Variants in KNDC1 observed in about 807,000 individuals in gnomAD.
The protein encoded by KNDC1 is kinase non-catalytic C-lobe domain containing 1.
A neutral mutation model predicts 172.8 loss-of-function variants in KNDC1; 106 were observed. The ratio of observed to expected loss-of-function variants is 0.61; its 90% CI spans 0.52 to 0.72. The LOEUF (loss-of-function observed/expected upper bound fraction) is 0.72. Among genes scored for constraint, KNDC1 ranks in the 30% least tolerant of loss-of-function variants. The pLI is 0.00. For missense variants in KNDC1, 2,325 were observed against 2,394.5 expected (o/e 0.97, Z 0.61); for synonymous variants, 1,083 against 1,062.2 (o/e 1.02, Z -0.38).
chr10:133,188,726 C>G lies in KNDC1; in HGVS notation c.1441+73C>G. 4 of 613,710 alleles carry G rather than the reference C, an allele frequency of 6.5e-6. No homozygotes were observed. In the East Asian group the frequency reaches 1.4e-4, roughly 21 times the overall value. 38.0% of individuals were successfully genotyped at this position (613,710 alleles called of 1,614,324 possible). ...GCTGTTCCACCCCCCACCGCCGTCC[C>G]ACACCCCCGCCGTCCCACCCCCCAC... On this transcript the variant is annotated intron_variant, in intron 7 of 29. Coordinates refer to ENST00000304613, the MANE Select transcript of KNDC1 (RefSeq NM_152643.8).
intron 3 of KNDC1, among the ~76,000 whole-genome samples, chr10:133,173,490 A>G (rs1395900453): frequency 1.9e-5 from 1 of 53,630 alleles, no homozygotes; most frequent in East Asian, 3.7e-4. Context: ...ATTTCCTTCT[A>G]ATTTTTTTTT....
At chr10:133,187,836 A>G (rs2135981362) in intron 6 of KNDC1, among the ~76,000 whole-genome samples, 1 of 152,106 alleles carries the variant, frequency 6.6e-6, no homozygotes, top group South Asian at 2.1e-4. Context: ...GGGTGTGTTC[A>G]CGCTGTTGCA....
Position 133,224,962 on chromosome 10 carries a change from G to C in KNDC1, c.*72G>C. 2 of 1,244,566 alleles carry C rather than the reference G, an allele frequency of 1.6e-6. No homozygotes were observed. The highest frequency in any genetic ancestry group is 2.3e-6 in the Non-Finnish European group (2 of 865,362). 77.1% of individuals were successfully genotyped at this position (1,244,566 alleles called of 1,614,324 possible). On this transcript the variant is annotated 3_prime_UTR_variant, in exon 30 of 30. Coordinates refer to ENST00000304613, the MANE Select transcript of KNDC1 (RefSeq NM_152643.8). This position sits in a 1 kb window ranked among gnomAD's most constrained non-coding sequence, Gnocchi z 5.4. Reference sequence around the variant, plus strand: ...GGGGGCGGGCTGGGAGGTGGGAGCCGCGTCTCAGGCCCGGCCGTTATCAAG... The same window carrying C: ...GGGGGCGGGCTGGGAGGTGGGAGCCCCGTCTCAGGCCCGGCCGTTATCAAG...
intron 1 of KNDC1, among the ~76,000 whole-genome samples, chr10:133,166,097 G>C (rs1006510818): frequency 1.3e-5 from 2 of 152,222 alleles, no homozygotes; most frequent in African/African-American, 4.8e-5. Context: ...TGCCTGGGGG[G>C]CCTCTTGCAG....
rs556302954 is a variant in KNDC1, at chr10:133,209,241, CAT to C, written c.3795-1369_3795-1368del. On this transcript the variant is annotated intron_variant, in intron 20 of 29. Coordinates refer to ENST00000304613, the MANE Select transcript of KNDC1 (RefSeq NM_152643.8). The surrounding 1 kb of genome is among the most constrained non-coding windows in gnomAD (Gnocchi z 4.9). ...TTGGGTTTTGTGTGGTGCGTATGCA[CAT>C]GTGTGGTGTGTGGTATGCGGTAGTG... Among the ~76,000 whole-genome samples, 26 of 145,836 alleles carry C rather than the reference CAT, an allele frequency of 1.8e-4. No homozygotes were observed. Among genetic ancestry groups the C allele is most frequent in the East Asian group, 1.5e-3 (7 of 4,756 alleles).
chr10:133,202,673 C>T (rs1854407651), intron 17 of KNDC1: 1 of 456,684 alleles, frequency 2.2e-6, no homozygotes, highest in Non-Finnish European at 4.4e-6. Flanking sequence ...CTCCTTGCTC[C>T]TCTCCTGCCG....
chr10:133,170,788 G>A (rs1168760654), intron 3 of KNDC1, among the ~76,000 whole-genome samples: 1 of 152,162 alleles, frequency 6.6e-6, no homozygotes, highest in Non-Finnish European at 1.5e-5. Flanking sequence ...GATTTTCATG[G>A]CAGCTTCTGC....
chr10:133,194,817 G>A (rs1014356232), intron 9 of KNDC1, among the ~76,000 whole-genome samples: 3 of 152,242 alleles, frequency 2.0e-5, no homozygotes, highest in East Asian at 1.9e-4. Context: ...TGGAGAACAC[G>A]TGGATGATGT....
chr10:133,180,225 T>C (rs1853676194), intron 3 of KNDC1, among the ~76,000 whole-genome samples: 2 of 152,242 alleles, frequency 1.3e-5, no homozygotes, highest in South Asian at 4.1e-4. Flanking sequence ...CAGTTGTGTT[T>C]CCCTCCTTCA....
At chr10:133,213,942 G>C (rs1845424827) in intron 25 of KNDC1, 30 bp from the exon 26 acceptor site, 3 of 1,613,678 alleles carry the variant, frequency 1.9e-6, no homozygotes, top group Non-Finnish European at 2.5e-6. Context: ...ACAAGTCCTG[G>C]GGGTGACAGG....
intron 24 of KNDC1, 32 bp from the exon 25 acceptor site, chr10:133,213,613 G>A (rs1188426028): frequency 5.0e-6 from 8 of 1,599,492 alleles, no homozygotes; most frequent in Non-Finnish European, 4.3e-6. Flanking sequence ...AGGGATGGAA[G>A]CCTGAACCTC....
chr10:133,225,050 G>A lies in KNDC1; in HGVS notation c.*160G>A. On this transcript the variant is annotated 3_prime_UTR_variant, in exon 30 of 30. Transcript: ENST00000304613. ...AGGTGGAGGCTCAGGGGACCCCATG[G>A]GGACAGGCAGAGCTGGTCTCCTCCC... The A allele has an allele frequency of 1.6e-6, 1 of 630,114 alleles. No homozygotes were observed. The highest frequency in any genetic ancestry group is 2.8e-6 in the Non-Finnish European group (1 of 351,646). The allele number at this position is 630,114 out of a possible 1,614,324, so 39.0% of individuals were successfully genotyped here.
At chr10:133,210,461 T>TC (rs1845338283) in intron 20 of KNDC1, 150 bp from the exon 21 acceptor site, 2 of 518,330 alleles carry the variant, frequency 3.9e-6, no homozygotes, top group Non-Finnish European at 3.5e-6. Flanking sequence ...GTTATCCATG[T>TC]CCCCCCTTTA....
intron 3 of KNDC1, among the ~76,000 whole-genome samples, chr10:133,180,792 C>T (rs1025258677): frequency 6.6e-6 from 1 of 152,240 alleles, no homozygotes; most frequent in Non-Finnish European, 1.5e-5. Context: ...AAAGCATAGT[C>T]CTTGCATGGG....
At chr10:133,184,320 G>GCA (rs983381030) in intron 5 of KNDC1, among the ~76,000 whole-genome samples, 1 of 135,664 alleles carries the variant, frequency 7.4e-6, no homozygotes, top group Non-Finnish European at 1.6e-5. Flanking sequence ...CACAACCCAT[G>GCA]CACACACACC....
chr10:133,201,825 C>G lies in KNDC1; in HGVS notation c.3314C>G (p.Ala1105Gly). Reference sequence around the variant, plus strand: ...TTCTACGAGGCCGACTGCTTCGGGGCCGACGTCCACAACTACGTGAAGGAC... The same window carrying G: ...TTCTACGAGGCCGACTGCTTCGGGGGCGACGTCCACAACTACGTGAAGGAC... ...SAFYEADCFG[A>G]DVHNYVKDLG... Residue 1105 changes from alanine to glycine, a missense_variant, in exon 17 of 30, where the codon GCC (alanine) becomes GGC (glycine). Ala to Gly is a moderately conservative substitution (Grantham distance 60). Coordinates refer to ENST00000304613, the MANE Select transcript of KNDC1 (RefSeq NM_152643.8). The G allele has an allele frequency of 6.7e-7, 1 of 1,494,474 alleles. No homozygotes were observed. The highest frequency in any genetic ancestry group is 8.9e-7 in the Non-Finnish European group (1 of 1,124,198). The allele number at this position is 1,494,474 out of a possible 1,614,324, so 92.6% of individuals were successfully genotyped here.
Position 133,183,481 on chromosome 10 carries a change from G to T in KNDC1, c.498G>T (p.Pro166=), listed in dbSNP as rs373692082. The change falls in exon 4 of 30, where the codon CCG becomes CCT. Residue 166 remains proline, a synonymous_variant. Coordinates refer to ENST00000304613, the MANE Select transcript of KNDC1 (RefSeq NM_152643.8). ...AGGCGGAGGACCCCGGGGACCGGCC[G>T]GACCTTGAGGTAAGCGAGGCTGCCC... The part of the protein sequence containing the change: ...RMQAEDPGDR[P]DLESIIALCE... The T allele has an allele frequency of 1.0e-4, 164 of 1,601,944 alleles. 1 individual carries two copies. In the South Asian group the frequency reaches 1.3e-3, roughly 13 times the overall value.
Position 133,197,807 on chromosome 10 carries a change from T to C in KNDC1, c.1906+39T>C, listed in dbSNP as rs201542711. On this transcript the variant is annotated intron_variant, in intron 12 of 29. Coordinates refer to ENST00000304613, the MANE Select transcript of KNDC1 (RefSeq NM_152643.8). ...CAGCCCCTGCTGCCCCACCAGCTCC[T>C]GCACCTGACACCACAGCTGCCCCCA... 1,498 of 1,429,970 alleles carry C rather than the reference T, an allele frequency of 1.0e-3. 9 individuals carry two copies. In the African/African-American group the frequency reaches 0.012, roughly 12 times the overall value. 88.6% of individuals were successfully genotyped at this position (1,429,970 alleles called of 1,614,324 possible). A position where few individuals can be genotyped will look rare whatever the true frequency, so the allele number is the denominator to read the frequency against.
At position 133,219,036 on chromosome 10, in the gene KNDC1, G is replaced by C. The variant is rs143293481; in HGVS notation, c.4806G>C (p.Trp1602Cys). 1 of 1,613,914 alleles carries C rather than the reference G, an allele frequency of 6.2e-7. No individual in the cohort carries two copies. Among genetic ancestry groups the C allele is most frequent in the African/African-American group, 1.3e-5 (1 of 74,948 alleles). ...CACCTGTGCTTTCATTTCAGGCCTG[G>C]AGAATTCTGCCTGCAAAGATAGCAG... The part of the protein sequence containing the change: ...EHLAVRQSPA[W>C]RILPAKIAEV... The change falls in exon 28 of 30, where the codon TGG becomes TGC. Residue 1602 changes from tryptophan to cysteine, a missense_variant. By Grantham distance (215) the Trp-to-Cys change is radical (BLOSUM62 -2). Transcript: ENST00000304613.
Sources: gnomAD v4.1 joint callset for allele counts (sites outside exome capture counted in the v4.1 genomes callset) on GRCh38, gnomAD v4.1.1 for gene constraint, Gnocchi (gnomAD v3.1) non-coding constraint, MANE v1.5 for transcripts, NCBI Gene and HGNC (gene_info 2026-07-23, HGNC 2026-07-21) for gene names.